The following VPS13A variants were observed in gnomAD, a reference collection of about 807,000 sequenced individuals.
VPS13A encodes the protein intermembrane lipid transfer protein VPS13A.
In VPS13A, 264 loss-of-function variants were observed where a neutral mutation model predicts 390.9. That is an observed-to-expected ratio of 0.68 (90% confidence interval 0.61 to 0.75). VPS13A has a LOEUF of 0.75. VPS13A is among the 30% of genes least tolerant of loss of function. VPS13A has a pLI of 0.00. For synonymous variants in VPS13A, 1,231 were observed against 1,227.1 expected, an observed-to-expected ratio of 1.00 and a Z score of -0.07; for missense variants, 3,409 against 3,733.9, an observed-to-expected ratio of 0.91 and a Z score of 2.27.
At chr9:77,236,068 GGGTAGGCTAGGCTAGGCTATGATGCTT>G (rs1358001710) in intron 17 of VPS13A, among the ~76,000 whole-genome samples, 1 of 152,090 alleles carries the variant, frequency 6.6e-6, no homozygotes, top group African/African-American at 2.4e-5. Flanking sequence ...AGTACATTTA[GGGTAGGCTAGGCTAGGCTATGATGCTT>G]GGTAGGCTAG....
At chr9:77,409,177 C>A (rs764241650) in intron 71 of VPS13A, among the ~76,000 whole-genome samples, 4 of 152,212 alleles carry the variant, frequency 2.6e-5, no homozygotes, top group Non-Finnish European at 5.9e-5. Flanking sequence ...CTGATACCCA[C>A]GCAAACAGGT....
chr9:77,314,571 A>C lies in VPS13A; in HGVS notation c.4319A>C (p.Lys1440Thr). 6.2e-7 allele frequency: 1 copy of C among 1,611,074 alleles called. No homozygotes were observed. Among genetic ancestry groups the C allele is most frequent in the Non-Finnish European group, 8.5e-7 (1 of 1,178,104 alleles). The change falls in exon 37 of 72, where the codon AAA (lysine) becomes ACA (threonine). Residue 1440 changes from lysine (K) to threonine (T), a missense_variant. Lys to Thr is a moderately conservative substitution (Grantham distance 78, BLOSUM62 -1). Coordinates refer to ENST00000360280, the MANE Select transcript of VPS13A (RefSeq NM_033305.3). ...FKLENIISTL[K>T]MYTDGSTFSS... is the part of the protein sequence containing the mutation. ...TTGGAGAATATTATAAGTACTTTAA[A>C]AATGTATACAGATGGCTCAACATTT...
intron 31 of VPS13A, among the ~76,000 whole-genome samples, chr9:77,290,742 T>C (rs974483706): frequency 6.6e-6 from 1 of 152,236 alleles, no homozygotes; most frequent in Non-Finnish European, 1.5e-5. Flanking sequence ...GAAGGTATTT[T>C]CATTTATGTT....
At chr9:77,323,327 C>A in intron 45 of VPS13A, 100 bp downstream of exon 45, 2 of 1,398,834 alleles carry the variant, frequency 1.4e-6, no homozygotes, top group South Asian at 1.2e-5. Flanking sequence ...AGAATATAAA[C>A]CGTAACAGTA....
Position 77,247,376 on chromosome 9 carries a change from T to G in VPS13A, c.2018T>G (p.Leu673Trp). Residue 673 changes from leucine to tryptophan, a missense_variant, in exon 20 of 72, where the codon TTG becomes TGG. Physicochemically the swap from Leu to Trp is moderately conservative, Grantham distance 61. This residue lies in a region of VPS13A where 2,717 missense variants were observed against 2,917.4 expected (regional missense o/e 0.93). Transcript: ENST00000360280. ...AGTCCTACATCAAATCTGCTTCTTT[T>G]GGACCTTGGTCATCTAAAGGTATAT... ...IFSPTSNLLL[L>W]DLGHLKVTSK... 6.2e-7 allele frequency: 1 copy of G among 1,612,538 alleles called. No homozygotes were observed. Among genetic ancestry groups the G allele is most frequent in the Non-Finnish European group, 8.5e-7 (1 of 1,179,256 alleles).
At position 77,207,363 on chromosome 9, in the gene VPS13A, T is replaced by G. The variant is rs963331868; in HGVS notation, c.385+1284T>G. Among the ~76,000 whole-genome samples, 3 of 148,970 alleles carry G rather than the reference T, an allele frequency of 2.0e-5. No individual in the cohort carries two copies. The Admixed American group carries it at 2.0e-4, about 10-fold the overall frequency. On this transcript the variant is annotated intron_variant, in intron 5 of 71. Coordinates refer to ENST00000360280, the MANE Select transcript of VPS13A (RefSeq NM_033305.3). ...AAACTCATCTCGTGTTTCATTGGCA[T>G]ATATATGACATATATAATATATAAC...
At chr9:77,226,092 G>GTGT (rs1823491411) in intron 14 of VPS13A, 104 bp downstream of exon 14, 1 of 1,154,356 alleles carries the variant, frequency 8.7e-7, no homozygotes, top group African/African-American at 1.6e-5. Context: ...TTTCCAAAAA[G>GTGT]TGGTTCAATT....
chr9:77,232,346 T>A (rs1237887011), intron 17 of VPS13A, among the ~76,000 whole-genome samples: 1 of 152,188 alleles, frequency 6.6e-6, no homozygotes, highest in Non-Finnish European at 1.5e-5. Context: ...TGTAGATTGC[T>A]TTTGGTAGTA....
chr9:77,416,129 A>C lies in VPS13A; in HGVS notation c.*123A>C. ...AAGTACCCTGTATTCTGGATGCTAA[A>C]AAACAAAAACAAACAAAAAAACAAA... On this transcript the variant is annotated 3_prime_UTR_variant, in exon 72 of 72. Coordinates refer to ENST00000360280, the MANE Select transcript of VPS13A (RefSeq NM_033305.3). 2 of 1,162,506 alleles carry C rather than the reference A, an allele frequency of 1.7e-6. No individual in the cohort carries two copies. Among genetic ancestry groups the C allele is most frequent in the Non-Finnish European group, 2.5e-6 (2 of 804,274 alleles). 72.0% of individuals were successfully genotyped at this position (1,162,506 alleles called of 1,614,324 possible). A position where few individuals can be genotyped will look rare whatever the true frequency, so the allele number is the denominator to read the frequency against.
At position 77,247,139 on chromosome 9, in the gene VPS13A, A is replaced by C. The variant is rs144094512; in HGVS notation, c.1901-120A>C. ...ATATTGGAAGTATTTTGCTGAGGTC[A>C]TTTTAAAATTAATACTAATTTTACA... On this transcript the variant is annotated intron_variant, in intron 19 of 71. Coordinates refer to ENST00000360280, the MANE Select transcript of VPS13A (RefSeq NM_033305.3). The C allele has an allele frequency of 3.9e-4, 336 of 869,476 alleles. 2 individuals are homozygous for C. The African/African-American group carries it at 5.2e-3, about 13-fold the overall frequency. The allele number at this position is 869,476 out of a possible 1,614,324, so 53.9% of individuals were successfully genotyped here. A position where few individuals can be genotyped will look rare whatever the true frequency, so the allele number is the denominator to read the frequency against.
Position 77,337,542 on chromosome 9 carries a change from C to T in VPS13A, c.6378+5C>T, listed in dbSNP as rs904351123. 17 of 1,608,252 alleles carry T rather than the reference C, an allele frequency of 1.1e-5. No individual in the cohort carries two copies. The highest frequency in any genetic ancestry group is 6.7e-5 in the Admixed American group (4 of 59,710). ...AAAATTGCTTATTATATAGAGGTAT[C>T]GGCAAACTGATTTAGTGCCTTCCTG... On this transcript the variant is annotated splice_donor_5th_base_variant and intron_variant, in intron 47 of 71. Coordinates refer to ENST00000360280, the MANE Select transcript of VPS13A (RefSeq NM_033305.3).
intron 68 of VPS13A, chr9:77,390,288 C>T: frequency 5.2e-6 from 1 of 191,256 alleles, no homozygotes; most frequent in Non-Finnish European, 9.6e-6. Flanking sequence ...GAATTCTTAG[C>T]ATCTCAAATA....
At chr9:77,259,883 A>C (rs1020695231) in intron 22 of VPS13A, among the ~76,000 whole-genome samples, 1 of 152,228 alleles carries the variant, frequency 6.6e-6, no homozygotes, top group Non-Finnish European at 1.5e-5. Context: ...CATTACATGA[A>C]ATAAGAACAT....
intron 68 of VPS13A, chr9:77,395,878 G>C (rs1834100670): frequency 6.6e-6 from 1 of 152,088 alleles, no homozygotes; most frequent in Non-Finnish European, 1.5e-5. Flanking sequence ...GGTTAACAGA[G>C]TAGTTAAAAC....
intron 68 of VPS13A, among the ~76,000 whole-genome samples, chr9:77,395,410 A>G (rs1311340050): frequency 6.6e-6 from 1 of 152,204 alleles, no homozygotes; most frequent in Non-Finnish European, 1.5e-5. Context: ...AAAAAGGACT[A>G]TAAAATAGCA....
intron 50 of VPS13A, among the ~76,000 whole-genome samples, chr9:77,342,927 G>A (rs1830916996): frequency 6.6e-6 from 1 of 152,206 alleles, no homozygotes; most frequent in Non-Finnish European, 1.5e-5. Flanking sequence ...AAAGTGTCCG[G>A]CAGTTTTATG....
At chr9:77,330,852 TCTTC>T (rs1830242103) in intron 45 of VPS13A, among the ~76,000 whole-genome samples, 1 of 152,208 alleles carries the variant, frequency 6.6e-6, no homozygotes, top group Admixed American at 6.5e-5. Flanking sequence ...CCTCCTTCCT[TCTTC>T]CTTGAGGTAA....
Position 77,417,388 on chromosome 9 carries a change from A to T in VPS13A, c.*1382A>T, listed in dbSNP as rs1356160547. On this transcript the variant is annotated 3_prime_UTR_variant, in exon 72 of 72. Transcript: ENST00000360280. The stretch of plus-strand genomic sequence containing the variant: ...TGTAATTGTATTTCTTGCTGACCAA[A>T]TCTACTAAATGCTATTGATTTCTCT... The T allele has an allele frequency of 2.0e-5, 3 of 152,160 alleles. No individual in the cohort carries two copies. Among genetic ancestry groups the T allele is most frequent in the African/African-American group, 7.2e-5 (3 of 41,434 alleles). 9.4% of individuals were successfully genotyped at this position (152,160 alleles called of 1,614,324 possible).
At chr9:77,314,967 A>G (rs1279690325) in intron 37 of VPS13A, among the ~76,000 whole-genome samples, 3 of 152,188 alleles carry the variant, frequency 2.0e-5, no homozygotes, top group Non-Finnish European at 2.9e-5. Context: ...TTGTTAATCC[A>G]TGCTAATTGC....
Sources: gnomAD v4.1 joint callset for allele counts (sites outside exome capture counted in the v4.1 genomes callset) on GRCh38, gnomAD v4.1.1 for gene constraint, gnomAD v4.1.1 regional missense constraint, MANE v1.5 for transcripts, NCBI Gene and HGNC (gene_info 2026-07-23, HGNC 2026-07-21) for gene names.